Variants in CDKAL1 observed in about 807,000 individuals in gnomAD.
The protein encoded by CDKAL1 is threonylcarbamoyladenosine tRNA methylthiotransferase.
A neutral mutation model predicts 68.2 loss-of-function variants in CDKAL1; 32 were observed. The observed-to-expected ratio is 0.47, with a 90% CI of 0.35 to 0.63. The LOEUF is 0.63. Among genes scored for constraint, CDKAL1 ranks in the 30% least tolerant of loss-of-function variants. The pLI, the probability that CDKAL1 is intolerant of heterozygous loss-of-function variation, is 0.00. For synonymous variants in CDKAL1, 234 were observed against 244.3 expected (o/e 0.96, Z 0.39); for missense variants, 606 against 696.7 (o/e 0.87, Z 1.47).
At chr6:21,006,620 G>C (rs1444845936) in intron 11 of CDKAL1, among the ~76,000 whole-genome samples, 1 of 152,178 alleles carries the variant, frequency 6.6e-6, no homozygotes, top group African/African-American at 2.4e-5. Context: ...CATTGGATCA[G>C]TTATTTAGCA....
At chr6:20,594,756 T>C (rs1021475611) in intron 4 of CDKAL1, among the ~76,000 whole-genome samples, 1 of 152,226 alleles carries the variant, frequency 6.6e-6, no homozygotes, top group African/African-American at 2.4e-5. Context: ...CATTAGTTGA[T>C]GCAATTTCTT....
chr6:21,165,668 C>A (rs1777122423), intron 13 of CDKAL1, among the ~76,000 whole-genome samples: 1 of 152,312 alleles, frequency 6.6e-6, no homozygotes. Flanking sequence ...AAAGGCATTT[C>A]TTTAGCACTG....
chr6:20,878,948 G>A (rs559936798), intron 9 of CDKAL1, among the ~76,000 whole-genome samples: 3 of 151,042 alleles, frequency 2.0e-5, no homozygotes, highest in Non-Finnish European at 3.0e-5. Flanking sequence ...GCATGGTGGC[G>A]GGCGCCTGTA....
intron 11 of CDKAL1, among the ~76,000 whole-genome samples, chr6:21,022,355 G>A (rs1442852203): frequency 2.0e-5 from 3 of 152,204 alleles, no homozygotes; most frequent in Non-Finnish European, 1.5e-5. Context: ...ATTATTTGCA[G>A]TGCAGGGGGT....
At chr6:20,639,493 C>A (rs773890022) in intron 4 of CDKAL1, among the ~76,000 whole-genome samples, 1 of 152,140 alleles carries the variant, frequency 6.6e-6, no homozygotes, top group Non-Finnish European at 1.5e-5. Flanking sequence ...GTTCTCCCAG[C>A]GCTCCAACCC....
At position 21,102,648 on chromosome 6, in the gene CDKAL1, G is replaced by A. The variant is rs1338331100; in HGVS notation, c.1237-5753G>A. 3.9e-5 allele frequency among the ~76,000 whole-genome samples: 6 copies of A among 152,114 alleles called. No homozygotes were observed. The South Asian group carries it at 1.0e-3, about 26-fold the overall frequency. On this transcript the variant is annotated intron_variant, in intron 12 of 15. Coordinates refer to ENST00000274695, the MANE Select transcript of CDKAL1 (RefSeq NM_017774.3). ...GATGTAGTTTTCTAACTTCTACTGA[G>A]TGTCTGTTTCTGTCGTGTAAACCAG...
chr6:20,624,314 G>C (rs1169506734), intron 4 of CDKAL1, among the ~76,000 whole-genome samples: 1 of 151,904 alleles, frequency 6.6e-6, no homozygotes, highest in East Asian at 1.9e-4. Context: ...CCACCATACT[G>C]TTCATCATTA....
intron 4 of CDKAL1, among the ~76,000 whole-genome samples, chr6:20,595,724 G>A (rs1260370954): frequency 1.3e-5 from 2 of 152,062 alleles, no homozygotes; most frequent in African/African-American, 4.8e-5. Flanking sequence ...TGCTGGCGAG[G>A]AGTTGTGATC....
chr6:20,687,390 A>T (rs1244448866), intron 5 of CDKAL1, among the ~76,000 whole-genome samples: 1 of 152,042 alleles, frequency 6.6e-6, no homozygotes, highest in African/African-American at 2.4e-5. Context: ...TTCTTCTTAC[A>T]TGAGTTTTGT....
intron 13 of CDKAL1, among the ~76,000 whole-genome samples, chr6:21,171,629 A>C (rs959901460): frequency 6.6e-6 from 1 of 152,190 alleles, no homozygotes; most frequent in Non-Finnish European, 1.5e-5. Context: ...TTTATTAACT[A>C]TTCCACTATT....
chr6:20,646,019 G>A (rs1033679963), intron 4 of CDKAL1, among the ~76,000 whole-genome samples: 4 of 149,570 alleles, frequency 2.7e-5, no homozygotes, highest in African/African-American at 9.9e-5. Flanking sequence ...GCCTCCTGGA[G>A]GACCTTTCTG....
At chr6:20,865,604 C>A (rs2150530983) in intron 9 of CDKAL1, among the ~76,000 whole-genome samples, 1 of 144,774 alleles carries the variant, frequency 6.9e-6, no homozygotes, top group South Asian at 2.3e-4. Context: ...CTGTAAGGTA[C>A]ATTTAAAACT....
intron 9 of CDKAL1, among the ~76,000 whole-genome samples, chr6:20,887,801 A>G (rs1260009780): frequency 6.6e-6 from 1 of 150,402 alleles, no homozygotes; most frequent in African/African-American, 2.4e-5. Flanking sequence ...TGTTGTTTTA[A>G]GAGACAGGGT....
intron 8 of CDKAL1, among the ~76,000 whole-genome samples, chr6:20,808,548 C>T (rs886924764): frequency 6.6e-6 from 1 of 152,010 alleles, no homozygotes; most frequent in Non-Finnish European, 1.5e-5. Context: ...TTCTTGCAGA[C>T]AAGGAGTTCA....
chr6:20,586,177 G>T (rs572290107), intron 4 of CDKAL1, among the ~76,000 whole-genome samples: 3 of 152,254 alleles, frequency 2.0e-5, no homozygotes, highest in African/African-American at 7.2e-5. Context: ...GTCTAAGCCA[G>T]CATCATCTTG....
intron 10 of CDKAL1, among the ~76,000 whole-genome samples, chr6:20,979,192 CTG>C (rs1209791137): frequency 3.3e-5 from 5 of 152,144 alleles, no homozygotes; most frequent in Non-Finnish European, 5.9e-5. Context: ...AATTGTGTGT[CTG>C]TGTATATTGA....
intron 4 of CDKAL1, among the ~76,000 whole-genome samples, chr6:20,569,425 T>G (rs1036093305): frequency 2.6e-5 from 4 of 152,226 alleles, no homozygotes; most frequent in African/African-American, 9.6e-5. Flanking sequence ...GTGTTGAGTA[T>G]TTCTTCCTGA....
chr6:20,991,789 G>A (rs1341908939), intron 10 of CDKAL1, among the ~76,000 whole-genome samples: 3 of 148,814 alleles, frequency 2.0e-5, no homozygotes, highest in East Asian at 2.0e-4. Flanking sequence ...GCTGAGGTGC[G>A]TACATGGCTC....
chr6:20,653,048 T>C (rs1173573346), intron 5 of CDKAL1, among the ~76,000 whole-genome samples: 1 of 152,240 alleles, frequency 6.6e-6, no homozygotes, highest in East Asian at 1.9e-4. Flanking sequence ...TTCTCAGCAT[T>C]ACGCTTTGAG....
Sources: gnomAD v4.1 joint callset for allele counts (sites outside exome capture counted in the v4.1 genomes callset) on GRCh38, gnomAD v4.1.1 for gene constraint, MANE v1.5 for transcripts, NCBI Gene and HGNC (gene_info 2026-07-23, HGNC 2026-07-21) for gene names.